Variants in C17orf67 observed in about 807,000 individuals in gnomAD.
C17orf67 encodes the protein chromosome 17 open reading frame 67.
In C17orf67, 12 loss-of-function variants were observed where a neutral mutation model predicts 11.2. The ratio of observed to expected loss-of-function variants is 1.07; its 90% CI spans 0.68 to 1.73. The LOEUF is 1.73. C17orf67 is among the 40% of genes most tolerant of loss of function. The pLI, the probability that C17orf67 is intolerant of heterozygous loss-of-function variation, is 0.00. For missense variants in C17orf67, 115 were observed against 113.5 expected (o/e 1.01, Z -0.06); for synonymous variants, 59 against 46.9 (o/e 1.26, Z -1.05).
intron 6 of C17orf67, among the ~76,000 whole-genome samples, 166 bp downstream of exon 6, chr17:56,814,703 A>G (rs1905712282): frequency 6.6e-6 from 1 of 152,190 alleles, no homozygotes; most frequent in Non-Finnish European, 1.5e-5. Flanking sequence ...GGCACCTCCA[A>G]AGGAGAAAAT....
rs557328152 is a variant in C17orf67, at chr17:56,792,356, A to T, written c.*21-4T>A. ...TTGTTGTCTATTAAAATGCTTGCTGAAAAAGAACAAGAAAATAACATTAGG... is the reference window on the plus strand; with the variant it reads ...TTGTTGTCTATTAAAATGCTTGCTGTAAAAGAACAAGAAAATAACATTAGG... On this transcript the variant is annotated splice_region_variant and splice_polypyrimidine_tract_variant and intron_variant, in intron 7 of 7. Coordinates refer to ENST00000397861, the MANE Select transcript of C17orf67 (RefSeq NM_001085430.4). The T allele has an allele frequency of 6.6e-6, 1 of 152,134 alleles. No individual in the cohort carries two copies. Among genetic ancestry groups the T allele is most frequent in the Non-Finnish European group, 1.5e-5 (1 of 68,018 alleles). The allele number at this position is 152,134 out of a possible 1,614,324, so 9.4% of individuals were successfully genotyped here. A position where few individuals can be genotyped will look rare whatever the true frequency, so the allele number is the denominator to read the frequency against.
At chr17:56,796,293 A>C (rs1350645412) in intron 6 of C17orf67, among the ~76,000 whole-genome samples, 1 of 152,236 alleles carries the variant, frequency 6.6e-6, no homozygotes, top group Non-Finnish European at 1.5e-5. Context: ...AAGCAACCCA[A>C]ATGTCCACCA....
At position 56,792,170 on chromosome 17, in the gene C17orf67, T is replaced by C. The variant is rs1319405336; in HGVS notation, c.*203A>G. On this transcript the variant is annotated 3_prime_UTR_variant, in exon 8 of 8. Coordinates refer to ENST00000397861, the MANE Select transcript of C17orf67 (RefSeq NM_001085430.4). ...TGTCTATGCTTTAAGCTATTGGTTT[T>C]AGTGATCTATGCAGGTTAGTAAAAT... The C allele has an allele frequency of 6.6e-6, 1 of 152,236 alleles. No homozygotes were observed. Among genetic ancestry groups the C allele is most frequent in the Non-Finnish European group, 1.5e-5 (1 of 68,042 alleles). 9.4% of individuals were successfully genotyped at this position (152,236 alleles called of 1,614,324 possible).
chr17:56,825,095 A>C lies in C17orf67; in HGVS notation c.-330T>G, dbSNP rs1028290959. The C allele has an allele frequency of 6.6e-6, 1 of 152,258 alleles. No homozygotes were observed. The highest frequency in any genetic ancestry group is 2.4e-5 in the African/African-American group (1 of 41,464). 9.4% of individuals were successfully genotyped at this position (152,258 alleles called of 1,614,324 possible). A position where few individuals can be genotyped will look rare whatever the true frequency, so the allele number is the denominator to read the frequency against. On this transcript the variant is annotated 5_prime_UTR_variant, in exon 3 of 8. Coordinates refer to ENST00000397861, the MANE Select transcript of C17orf67 (RefSeq NM_001085430.4). ...TAAAGAATTACCTAGGGAACTTGTT[A>C]AGAAGTTAGATTCCTAGCTCCACTT...
chr17:56,827,692 T>C (rs762239041), intron 2 of C17orf67, among the ~76,000 whole-genome samples: 25 of 152,154 alleles, frequency 1.6e-4, no homozygotes, highest in Non-Finnish European at 3.2e-4. Context: ...GATGAGGAGA[T>C]GGTGGGGCTG....
chr17:56,825,577 T>C (rs1472138219), intron 2 of C17orf67, among the ~76,000 whole-genome samples: 1 of 152,172 alleles, frequency 6.6e-6, no homozygotes, highest in Non-Finnish European at 1.5e-5. Context: ...TCTGAGAATC[T>C]AAGGAAATAA....
chr17:56,794,986 C>A, intron 7 of C17orf67, 58 bp downstream of exon 7: 1 of 1,267,708 alleles, frequency 7.9e-7, no homozygotes, highest in Admixed American at 1.7e-5. Flanking sequence ...CCAGCCCATG[C>A]CATGCTGTCC....
At chr17:56,812,378 C>T (rs1883718090) in intron 6 of C17orf67, among the ~76,000 whole-genome samples, 2 of 152,150 alleles carry the variant, frequency 1.3e-5, no homozygotes, top group South Asian at 4.1e-4. Context: ...GTGTAACCAC[C>T]AAAAATGTCT....
chr17:56,827,191 G>T (rs933197924), intron 2 of C17orf67, among the ~76,000 whole-genome samples: 2 of 152,250 alleles, frequency 1.3e-5, no homozygotes, highest in African/African-American at 4.8e-5. Context: ...AAAGTGCGGA[G>T]GCTGAAGGTC....
At chr17:56,827,095 CA>C (rs1655222068) in intron 2 of C17orf67, among the ~76,000 whole-genome samples, 2 of 152,222 alleles carry the variant, frequency 1.3e-5, no homozygotes, top group South Asian at 4.1e-4. Flanking sequence ...TGAACTGTCC[CA>C]TTCTTTAGTA....
chr17:56,829,338 AAAG>A lies in C17orf67; in HGVS notation c.-557+3557_-557+3559del, dbSNP rs1906128894. Among the ~76,000 whole-genome samples the A allele has an allele frequency of 3.3e-5, 5 of 152,356 alleles. No individual in the cohort carries two copies. The South Asian group carries it at 1.0e-3, about 32-fold the overall frequency. Reference sequence around the variant, plus strand: ...TCAAGAACTCAAAGAAGAGAGGTTTAAAGAAGAAAAGAAAAAAGAAGAGAGATC... The same window carrying A: ...TCAAGAACTCAAAGAAGAGAGGTTTAAAGAAAAGAAAAAAGAAGAGAGATC... On this transcript the variant is annotated intron_variant, in intron 2 of 7. Coordinates refer to ENST00000397861, the MANE Select transcript of C17orf67 (RefSeq NM_001085430.4).
At chr17:56,795,006 C>T (rs1428958740) in intron 7 of C17orf67, 38 bp downstream of exon 7, 3 of 1,444,074 alleles carry the variant, frequency 2.1e-6, no homozygotes, top group Admixed American at 3.4e-5. Flanking sequence ...CCCCACCACT[C>T]CCTCAGACAG....
intron 5 of C17orf67, 61 bp from the exon 6 acceptor site, chr17:56,815,030 A>C: frequency 2.4e-5 from 33 of 1,383,686 alleles, no homozygotes; most frequent in Non-Finnish European, 3.4e-5. Flanking sequence ...GAGCCATCTC[A>C]ACAGTCCAAG....
intron 6 of C17orf67, among the ~76,000 whole-genome samples, chr17:56,807,479 G>A (rs1905481526): frequency 2.0e-5 from 3 of 152,182 alleles, no homozygotes; most frequent in Admixed American, 6.5e-5. Context: ...AGAGGAGCCT[G>A]GGTCTGCATG....
chr17:56,819,215 A>G (rs960802975), intron 4 of C17orf67, among the ~76,000 whole-genome samples: 1 of 152,034 alleles, frequency 6.6e-6, no homozygotes, highest in African/African-American at 2.4e-5. Context: ...TCAGCTTAAC[A>G]AGCCCACTCC....
At chr17:56,828,107 C>CCAAAA (rs1906089094) in intron 2 of C17orf67, among the ~76,000 whole-genome samples, 1 of 109,316 alleles carries the variant, frequency 9.1e-6, no homozygotes, top group East Asian at 2.4e-4. Context: ...GACTCAGTCT[C>CCAAAA]AAAAAAAAAA....
chr17:56,794,628 C>G (rs187501787), intron 7 of C17orf67, among the ~76,000 whole-genome samples: 1 of 152,246 alleles, frequency 6.6e-6, no homozygotes, highest in East Asian at 1.9e-4. Flanking sequence ...GGAGCGAGAT[C>G]TGGGAAAGAA....
chr17:56,819,371 C>T (rs2144140778), intron 4 of C17orf67, among the ~76,000 whole-genome samples: 1 of 152,364 alleles, frequency 6.6e-6, no homozygotes, highest in South Asian at 2.1e-4. Flanking sequence ...GCCCCCACCA[C>T]CACCACTCTC....
At chr17:56,804,087 G>A (rs902339413) in intron 6 of C17orf67, 3 of 151,244 alleles carry the variant, frequency 2.0e-5, no homozygotes, top group Non-Finnish European at 2.9e-5. Flanking sequence ...TTCTCCAAGT[G>A]GGGGGGTGTA....
Sources: gnomAD v4.1 joint callset for allele counts (sites outside exome capture counted in the v4.1 genomes callset) on GRCh38, gnomAD v4.1.1 for gene constraint, MANE v1.5 for transcripts, NCBI Gene and HGNC (gene_info 2026-07-23, HGNC 2026-07-21) for gene names.